The following ANKRD45 variants were observed in gnomAD, a reference collection of about 807,000 sequenced individuals.
ANKRD45 encodes the protein ankyrin repeat domain-containing protein 45.
Under a neutral mutation model 28.1 loss-of-function variants are expected in ANKRD45, and 21 were observed. The ratio of observed to expected loss-of-function variants is 0.75; its 90% CI spans 0.53 to 1.08. ANKRD45 has a LOEUF of 1.08. Ranked by LOEUF, ANKRD45 falls within the 50% of genes least tolerant of loss-of-function variation. ANKRD45 has a pLI of 0.00. For synonymous variants in ANKRD45, 86 were observed against 103.9 expected (o/e 0.83, Z 1.05); for missense variants, 261 against 308.7 (o/e 0.85, Z 1.16).
At chr1:173,697,970 A>G in the ANKRD45 span, among the ~76,000 whole-genome samples, 2 of 151,512 alleles carry the variant, frequency 1.3e-5, no homozygotes, top group East Asian at 3.9e-4. Context: ...GATGGAGGAA[A>G]ATTTACCAAG....
At chr1:173,625,622 G>A (rs1192954111) in intron 4 of ANKRD45, among the ~76,000 whole-genome samples, 1 of 152,068 alleles carries the variant, frequency 6.6e-6, no homozygotes, top group African/African-American at 2.4e-5. Context: ...ATAATAAGCA[G>A]TAGCATATGC....
At chr1:173,629,931 T>C (rs911375467) in intron 3 of ANKRD45, among the ~76,000 whole-genome samples, 1 of 151,970 alleles carries the variant, frequency 6.6e-6, no homozygotes, top group African/African-American at 2.4e-5. Context: ...AAGAAACCAA[T>C]AACATATAAC....
intron 3 of ANKRD45, among the ~76,000 whole-genome samples, chr1:173,643,094 A>G (rs1352499189): frequency 6.6e-6 from 1 of 151,996 alleles, no homozygotes; most frequent in Non-Finnish European, 1.5e-5. Flanking sequence ...TAGATTATAT[A>G]TAGAATAGAA....
At chr1:173,701,949 G>A in the ANKRD45 span, among the ~76,000 whole-genome samples, 4 of 152,050 alleles carry the variant, frequency 2.6e-5, no homozygotes, top group Non-Finnish European at 5.9e-5. Flanking sequence ...AAAAATCAAA[G>A]ATAACTAGAA....
the ANKRD45 span, among the ~76,000 whole-genome samples, chr1:173,695,449 GC>G: frequency 6.6e-6 from 1 of 152,136 alleles, no homozygotes; most frequent in Non-Finnish European, 1.5e-5. Flanking sequence ...GTGAGAACAT[GC>G]AGTATTTGGT....
the ANKRD45 span, among the ~76,000 whole-genome samples, chr1:173,692,702 A>C: frequency 7.9e-5 from 12 of 152,208 alleles, no homozygotes; most frequent in Non-Finnish European, 1.8e-4. Flanking sequence ...ATGAATAAAA[A>C]ATCATTACCA....
intron 3 of ANKRD45, among the ~76,000 whole-genome samples, chr1:173,631,223 C>T (rs916726436): frequency 6.6e-6 from 1 of 151,882 alleles, no homozygotes; most frequent in Admixed American, 6.6e-5. Context: ...ATGAAAGAGA[C>T]AAAGAAGGTC....
At chr1:173,688,395 C>CCTCTCTCTTCCTCTTCCTCT in the ANKRD45 span, among the ~76,000 whole-genome samples, 1 of 119,326 alleles carries the variant, frequency 8.4e-6, no homozygotes, top group African/African-American at 4.4e-5. Context: ...TCTGCCTCTT[C>CCTCTCTCTTCCTCTTCCTCT]CTCTCTCTGC....
At chr1:173,652,937 G>T (rs982030869) in intron 2 of ANKRD45, among the ~76,000 whole-genome samples, 1 of 152,112 alleles carries the variant, frequency 6.6e-6, no homozygotes, top group Non-Finnish European at 1.5e-5. Context: ...GGGATCGGTG[G>T]TGACATCCCC....
the ANKRD45 span, among the ~76,000 whole-genome samples, chr1:173,679,207 A>T: frequency 3.3e-3 from 505 of 152,344 alleles, 8 homozygotes; most frequent in Admixed American, 9.3e-3. Flanking sequence ...TTTAAAGTTC[A>T]TATGGAACCA....
At chr1:173,643,498 A>G (rs1356436697) in intron 3 of ANKRD45, among the ~76,000 whole-genome samples, 2 of 152,100 alleles carry the variant, frequency 1.3e-5, no homozygotes, top group Non-Finnish European at 2.9e-5. Flanking sequence ...TAACCACAGG[A>G]AGACTTTTAA....
At position 173,637,893 on chromosome 1, in the gene ANKRD45, G is replaced by C. The variant is rs141992373; in HGVS notation, c.496+8953C>G. On this transcript the variant is annotated intron_variant, in intron 3 of 5. Coordinates refer to ENST00000333279, the MANE Select transcript of ANKRD45 (RefSeq NM_198493.3). The stretch of plus-strand genomic sequence containing the variant: ...CTTTGGTCCTCTCTCATGGGGAGGT[G>C]CCCCACTGCCCATTGTAGCAGCCCC... Among the ~76,000 whole-genome samples, 654 of 152,280 alleles carry C rather than the reference G, an allele frequency of 4.3e-3. 3 individuals carry two copies. Among genetic ancestry groups the C allele is most frequent in the African/African-American group, 0.015 (623 of 41,562 alleles).
Position 173,657,540 on chromosome 1 carries a change from C to T in ANKRD45, c.328+1551G>A, listed in dbSNP as rs113952052. 1,273 of 150,566 alleles carry T rather than the reference C, an allele frequency of 8.5e-3. 17 individuals are homozygous for T. The highest frequency in any genetic ancestry group is 0.029 in the African/African-American group (1,183 of 41,080). The allele number at this position is 150,566 out of a possible 1,614,324, so 9.3% of individuals were successfully genotyped here. A position where few individuals can be genotyped will look rare whatever the true frequency, so the allele number is the denominator to read the frequency against. The stretch of plus-strand genomic sequence containing the variant: ...TGTATGTGTATAATCAAATGTTTTT[C>T]AACTCATTTTCAGTGAACCCAATTT... On this transcript the variant is annotated intron_variant, in intron 2 of 5. Transcript: ENST00000333279.
intron 2 of ANKRD45, chr1:173,657,850 A>T (rs1669615227): frequency 6.7e-6 from 1 of 149,276 alleles, no homozygotes; most frequent in African/African-American, 2.4e-5. Context: ...TTCTTTTTCT[A>T]ATTTCTTCAG....
chr1:173,644,939 G>C (rs1394795695), intron 3 of ANKRD45, among the ~76,000 whole-genome samples: 1 of 150,012 alleles, frequency 6.7e-6, no homozygotes, highest in African/African-American at 2.5e-5. Context: ...GTTGCAGTGA[G>C]TCAAGATCAC....
the ANKRD45 span, among the ~76,000 whole-genome samples, chr1:173,682,937 C>T: frequency 1.6e-5 from 2 of 125,810 alleles, no homozygotes; most frequent in Non-Finnish European, 3.1e-5. Flanking sequence ...AATCTTGCCT[C>T]TCTCTTTTTT....
chr1:173,702,872 A>G, the ANKRD45 span, among the ~76,000 whole-genome samples: 1 of 151,626 alleles, frequency 6.6e-6, no homozygotes, highest in African/African-American at 2.4e-5. Flanking sequence ...ATAGACATGC[A>G]CCACCACCAT....
chr1:173,631,548 G>A (rs1668196492), intron 3 of ANKRD45, among the ~76,000 whole-genome samples: 2 of 151,734 alleles, frequency 1.3e-5, no homozygotes, highest in South Asian at 4.2e-4. Context: ...TTTCTACTCA[G>A]CACATGGATC....
At chr1:173,674,211 G>C (rs1400787886), upstream of ANKRD45, among the ~76,000 whole-genome samples, 1 of 151,898 alleles carries the variant, frequency 6.6e-6, no homozygotes, top group Non-Finnish European at 1.5e-5. Context: ...ACAGGGTTTT[G>C]CCATGTTGCC....
Sources: allele counts gnomAD v4.1 joint callset (sites outside exome capture counted in the v4.1 genomes callset), GRCh38; gene constraint gnomAD v4.1.1; transcripts MANE v1.5; gene names NCBI Gene and HGNC (gene_info 2026-07-23, HGNC 2026-07-21).